STON1: variants seen among roughly 807,000 people sequenced by gnomAD.
STON1 encodes the protein stonin-1.
A neutral mutation model predicts 60.9 loss-of-function variants in STON1; 79 were observed. That is an observed-to-expected ratio of 1.30 (90% CI 1.08 to 1.56). The LOEUF (loss-of-function observed/expected upper bound fraction) is 1.56. Among genes scored for constraint, STON1 ranks in the 40% most tolerant of loss-of-function variants. The pLI, the probability that STON1 is intolerant of heterozygous loss-of-function variation, is 0.00. For missense variants in STON1, 1,166 were observed against 858.9 expected (o/e 1.36, Z -4.47); for synonymous variants, 363 against 306.9 (o/e 1.18, Z -1.91).
intron 1 of STON1, among the ~76,000 whole-genome samples, chr2:48,555,378 A>G (rs1180823302): frequency 2.5e-5 from 1 of 40,640 alleles, no homozygotes; most frequent in Admixed American, 2.2e-4. Context: ...GGGGCTCCTC[A>G]CTTCCCAGTA....
At chr2:48,539,218 CT>C (rs1220711679) in intron 1 of STON1, among the ~76,000 whole-genome samples, 2 of 151,944 alleles carry the variant, frequency 1.3e-5, no homozygotes, top group African/African-American at 4.8e-5. Context: ...ACTCCTTGCC[CT>C]TTTTTTATTC....
At position 48,581,390 on chromosome 2, in the gene STON1, C is replaced by G. The variant is rs1289149689; in HGVS notation, c.757C>G (p.Leu253Val). Residue 253 changes from leucine to valine, a missense_variant, in exon 2 of 4, where the codon CTA becomes GTA. Coordinates refer to ENST00000404752, the MANE Select transcript of STON1 (RefSeq NM_006873.4). ...DSLRSLSMHC[L>V]CAEENASSFV... ...ACTTAGAAGTTTGTCTATGCACTGT[C>G]TATGTGCTGAAGAAAATGCCTCTTC... 10 of 1,605,746 alleles carry G rather than the reference C, an allele frequency of 6.2e-6. No homozygotes were observed. Among genetic ancestry groups the G allele is most frequent in the South Asian group, 2.2e-5 (2 of 89,228 alleles).
At chr2:48,556,972 G>A (rs1305320737) in intron 1 of STON1, among the ~76,000 whole-genome samples, 5 of 51,576 alleles carry the variant, frequency 9.7e-5, no homozygotes, top group African/African-American at 3.2e-4. Flanking sequence ...CGGGCGGGGG[G>A]CTGACCCCCC....
chr2:48,582,186 A>C lies in STON1; in HGVS notation c.1553A>C (p.Lys518Thr). The C allele has an allele frequency of 6.2e-7, 1 of 1,614,216 alleles. No individual in the cohort carries two copies. Among genetic ancestry groups the C allele is most frequent in the Non-Finnish European group, 8.5e-7 (1 of 1,180,046 alleles). Residue 518 changes from lysine to threonine, a missense_variant, in exon 2 of 4, where the codon AAG becomes ACG. Lys to Thr is a moderately conservative substitution (Grantham distance 78, BLOSUM62 -1). Transcript: ENST00000404752. Reference protein sequence around the residue: ...DACRFELMRFKTLYNGDNLPF... With the variant: ...DACRFELMRFTTLYNGDNLPF... ...TGCCGGTTTGAGCTGATGCGTTTCA[A>C]GACTTTGTATAATGGGGATAATCTT... is the stretch of plus-strand genomic sequence containing the variant.
intron 2 of STON1, 121 bp downstream of exon 2, chr2:48,582,684 G>A (rs1382391838): frequency 4.1e-6 from 6 of 1,457,842 alleles, no homozygotes; most frequent in Non-Finnish European, 4.5e-6. Context: ...CTGTGCTTTG[G>A]GGTAGGAGAT....
At position 48,597,092 on chromosome 2, in the gene STON1, A is replaced by C. The variant is rs576028914; in HGVS notation, c.*1790A>C. 2.6e-5 allele frequency: 4 copies of C among 152,266 alleles called. No homozygotes were observed. In the East Asian group the frequency reaches 7.7e-4, roughly 29 times the overall value. The allele number at this position is 152,266 out of a possible 1,614,324, so 9.4% of individuals were successfully genotyped here. On this transcript the variant is annotated 3_prime_UTR_variant, in exon 4 of 4. Coordinates refer to ENST00000404752, the MANE Select transcript of STON1 (RefSeq NM_006873.4). The stretch of plus-strand genomic sequence containing the variant: ...AGTCTCGAACTCCTGACCTCAGGTG[A>C]TCCACCAGCCTCGGCCTCCCAAAGT...
rs1430899606 is a variant in STON1, at chr2:48,581,881, C to T, written c.1248C>T (p.Ser416=). ...PKKNYEEQEI[S]LEIVDNFWGK... ...AGAACTACGAGGAGCAAGAAATTTC[C>T]TTGGAAATTGTGGACAACTTTTGGG... The change falls in exon 2 of 4, where the codon TCC becomes TCT. Residue 416 remains serine, a synonymous_variant. Coordinates refer to ENST00000404752, the MANE Select transcript of STON1 (RefSeq NM_006873.4). The T allele has an allele frequency of 1.2e-6, 2 of 1,613,958 alleles. No individual in the cohort carries two copies. The highest frequency in any genetic ancestry group is 1.1e-5 in the South Asian group (1 of 90,984).
rs148031062 is a variant in STON1 at position 48,578,161 on chromosome 2, G to C, written c.-47-2426G>C. Among the ~76,000 whole-genome samples the C allele has an allele frequency of 6.9e-3, 1,042 of 152,032 alleles. 8 individuals are homozygous for C. The highest frequency in any genetic ancestry group is 0.024 in the African/African-American group (1,010 of 41,478). The stretch of plus-strand genomic sequence containing the variant: ...GGCTAATTTTTTTGTATTTATAGTA[G>C]AGATGGGGTTTCACCATGTTGGCCA... On this transcript the variant is annotated intron_variant, in intron 1 of 3. Transcript: ENST00000404752.
chr2:48,541,066 TG>T (rs1339395419), intron 1 of STON1, among the ~76,000 whole-genome samples: 2 of 152,208 alleles, frequency 1.3e-5, no homozygotes, highest in African/African-American at 4.8e-5. Flanking sequence ...AAGTTTATTT[TG>T]GGCCGGGCAC....
rs1347078730 is a variant in STON1 at position 48,564,574 on chromosome 2, TCC to T, written c.-47-16012_-47-16011del. On this transcript the variant is annotated intron_variant, in intron 1 of 3. Transcript: ENST00000404752. ...CTTCTTCTTCTTCTTCTTCTCCTTC[TCC>T]TTCTCCTCCTCCTCCTCCTCCTCCT... Among the ~76,000 whole-genome samples, 35 of 66,002 alleles carry T rather than the reference TCC, an allele frequency of 5.3e-4. 4 individuals are homozygous for T. Among genetic ancestry groups the T allele is most frequent in the Non-Finnish European group, 1.0e-3 (32 of 31,478 alleles). The allele number at this position is 66,002 out of a possible 152,430, so 43.3% of individuals were successfully genotyped here.
In STON1 at chr2:48,595,586, G is replaced by C. The variant is rs1161992377; in HGVS notation, c.*284G>C. On this transcript the variant is annotated 3_prime_UTR_variant, in exon 4 of 4. Coordinates refer to ENST00000404752, the MANE Select transcript of STON1 (RefSeq NM_006873.4). ...GCACTGTTACTCGTTGTGTGACCCC[G>C]CAGCCAGTATGATTTTTGATTACTC... The C allele has an allele frequency of 1.1e-5, 4 of 367,714 alleles. No individual in the cohort carries two copies. Among genetic ancestry groups the C allele is most frequent in the East Asian group, 6.4e-5 (1 of 15,704 alleles). 22.8% of individuals were successfully genotyped at this position (367,714 alleles called of 1,614,324 possible).
At chr2:48,586,683 G>C (rs1558644912) in intron 2 of STON1, among the ~76,000 whole-genome samples, 2 of 146,474 alleles carry the variant, frequency 1.4e-5, no homozygotes, top group African/African-American at 5.1e-5. Context: ...ATGCTGTGGG[G>C]TGTGAAGTTT....
Position 48,582,137 on chromosome 2 carries a change from A to G in STON1, c.1504A>G (p.Ile502Val). 1 of 1,614,240 alleles carries G rather than the reference A, an allele frequency of 6.2e-7. No homozygotes were observed. Among genetic ancestry groups the G allele is most frequent in the African/African-American group, 1.3e-5 (1 of 75,064 alleles). Residue 502 changes from isoleucine (I) to valine (V), a missense_variant, in exon 2 of 4, where the codon ATT becomes GTT. Coordinates refer to ENST00000404752, the MANE Select transcript of STON1 (RefSeq NM_006873.4). Reference protein sequence around the residue: ...NVQEFEQSRIIKFVPLDACRF... With the variant: ...NVQEFEQSRIVKFVPLDACRF... ...ACAAGAATTTGAGCAATCAAGAATC[A>G]TTAAGTTTGTACCTCTGGATGCCTG...
At chr2:48,542,680 G>A (rs188304970) in intron 1 of STON1, among the ~76,000 whole-genome samples, 32 of 152,240 alleles carry the variant, frequency 2.1e-4, no homozygotes, top group Middle Eastern at 3.4e-3. Flanking sequence ...CGAGGTGGGT[G>A]GATCACTTGA....
intron 1 of STON1, among the ~76,000 whole-genome samples, chr2:48,564,549 CTT>C (rs1672824210): frequency 3.7e-5 from 2 of 53,810 alleles, no homozygotes; most frequent in Admixed American, 2.0e-4. Context: ...TCTTCTTCTT[CTT>C]CTTCTTCTTC....
At chr2:48,545,178 C>A (rs1194439773) in intron 1 of STON1, among the ~76,000 whole-genome samples, 1 of 152,206 alleles carries the variant, frequency 6.6e-6, no homozygotes, top group Non-Finnish European at 1.5e-5. Flanking sequence ...TAGGCTTGGA[C>A]TTGCCTAGGT....
At chr2:48,576,007 C>T (rs1336983250) in intron 1 of STON1, among the ~76,000 whole-genome samples, 1 of 151,616 alleles carries the variant, frequency 6.6e-6, no homozygotes, top group Non-Finnish European at 1.5e-5. Context: ...ATCCACCTGT[C>T]TTGGCCTCCC....
At chr2:48,584,033 G>A (rs920265007) in intron 2 of STON1, among the ~76,000 whole-genome samples, 5 of 152,116 alleles carry the variant, frequency 3.3e-5, no homozygotes, top group African/African-American at 1.2e-4. Flanking sequence ...ACAGGCTTGA[G>A]CCACTGTGCC....
intron 1 of STON1, among the ~76,000 whole-genome samples, chr2:48,537,385 A>G (rs1404029039): frequency 6.6e-6 from 1 of 152,054 alleles, no homozygotes; most frequent in African/African-American, 2.4e-5. Context: ...TGAGATGATC[A>G]TTTTTTCTTG....
Sources: gnomAD v4.1 joint callset for allele counts (sites outside exome capture counted in the v4.1 genomes callset) on GRCh38, gnomAD v4.1.1 for gene constraint, MANE v1.5 for transcripts, NCBI Gene and HGNC (gene_info 2026-07-23, HGNC 2026-07-21) for gene names.